Variants in TANC2 observed in about 807,000 individuals in gnomAD.
TANC2 encodes tetratricopeptide repeat, ankyrin repeat and coiled-coil containing 2, also known as protein TANC2.
Under a neutral mutation model 210.5 loss-of-function variants are expected in TANC2, and 26 were observed. The ratio of observed to expected loss-of-function variants is 0.12; its 90% CI spans 0.09 to 0.17. The LOEUF is 0.17. Among genes scored for constraint, TANC2 ranks in the 10% least tolerant of loss-of-function variants. TANC2 has a pLI of 1.00. For synonymous variants in TANC2, 931 were observed against 967.1 expected, an observed-to-expected ratio of 0.96 and a Z score of 0.69; for missense variants, 2,129 against 2,608.9, an observed-to-expected ratio of 0.82 and a Z score of 4.01.
chr17:63,060,933 A>G (rs1277965825), intron 2 of TANC2, among the ~76,000 whole-genome samples: 2 of 151,842 alleles, frequency 1.3e-5, no homozygotes, highest in Non-Finnish European at 2.9e-5. Flanking sequence ...TTTGGAAATG[A>G]GGTTTGATGT....
chr17:63,038,166 T>C lies in TANC2; in HGVS notation c.67+28540T>C, dbSNP rs549722455. ...TATGATGCTAGCTGTAGATATTTTA[T>C]GGATGTTCTTTATCAAGTTGAAGTA... is the stretch of plus-strand genomic sequence containing the variant. On this transcript the variant is annotated intron_variant, in intron 2 of 27. Coordinates refer to ENST00000689528, the Ensembl canonical transcript of TANC2. 3.2e-4 allele frequency among the ~76,000 whole-genome samples: 49 copies of C among 152,216 alleles called. 1 individual carries two copies. The highest frequency in any genetic ancestry group is 7.3e-5 in the Non-Finnish European group (5 of 68,030).
chr17:63,239,486 T>C (rs1398513230), intron 8 of TANC2, among the ~76,000 whole-genome samples: 2 of 152,196 alleles, frequency 1.3e-5, no homozygotes, highest in Non-Finnish European at 2.9e-5. Flanking sequence ...CCAGTTCCCT[T>C]TCCTACGTGT....
At chr17:63,090,347 TG>T (rs2037138402) in intron 3 of TANC2, among the ~76,000 whole-genome samples, 1 of 152,046 alleles carries the variant, frequency 6.6e-6, no homozygotes, top group Non-Finnish European at 1.5e-5. Flanking sequence ...CATCTCCTAG[TG>T]CCATCCCTCC....
chr17:63,206,922 A>C (rs753915900), intron 7 of TANC2, among the ~76,000 whole-genome samples: 27 of 152,190 alleles, frequency 1.8e-4, no homozygotes, highest in Non-Finnish European at 3.2e-4. Context: ...AAGAATATTT[A>C]TTAATATGTA....
intron 14 of TANC2, among the ~76,000 whole-genome samples, chr17:63,377,242 A>C (rs920388879): frequency 1.3e-5 from 2 of 152,148 alleles, no homozygotes; most frequent in Non-Finnish European, 2.9e-5. Flanking sequence ...GTGATTCAAC[A>C]TTTGACTCCT....
intron 14 of TANC2, among the ~76,000 whole-genome samples, chr17:63,365,124 G>A (rs1426151309): frequency 4.6e-5 from 7 of 152,196 alleles, no homozygotes; most frequent in Non-Finnish European, 1.0e-4. Context: ...AAGATTAATG[G>A]CACAGCAGTC....
At chr17:63,395,803 C>T in exon 18 of TANC2, 1 of 1,613,560 alleles carries the variant, frequency 6.2e-7, no homozygotes, top group Non-Finnish European at 8.5e-7. Context: ...CCGAGGTCAT[C>T]TGGAGGTTGT....
intron 14 of TANC2, among the ~76,000 whole-genome samples, chr17:63,371,134 C>T (rs948133033): frequency 6.6e-6 from 1 of 152,178 alleles, no homozygotes; most frequent in Non-Finnish European, 1.5e-5. Context: ...CTAGCTGTAA[C>T]TATACCACTT....
chr17:63,129,618 T>C (rs1405600311), intron 4 of TANC2, among the ~76,000 whole-genome samples: 1 of 152,138 alleles, frequency 6.6e-6, no homozygotes, highest in East Asian at 1.9e-4. Flanking sequence ...TCCCAGCTAC[T>C]TGGGAGGCTG....
intron 7 of TANC2, among the ~76,000 whole-genome samples, chr17:63,235,628 T>A (rs576302456): frequency 3.9e-5 from 6 of 152,200 alleles, no homozygotes; most frequent in Non-Finnish European, 8.8e-5. Context: ...TCCTTTATAA[T>A]TCATCTTCTT....
chr17:63,410,860 C>CAAAAA lies in TANC2; in HGVS notation c.3590-626_3590-622dup, dbSNP rs34268418. On this transcript the variant is annotated intron_variant, in intron 21 of 27. Transcript: ENST00000689528. The stretch of plus-strand genomic sequence containing the variant: ...AGGGCAACGGAGCAAGACTCCATCT[C>CAAAAA]AAAAAAAAAAAAAAAAAAAAAAAAA... Among the ~76,000 whole-genome samples, 60 of 39,016 alleles carry CAAAAA rather than the reference C, an allele frequency of 1.5e-3. 1 individual carries two copies. The highest frequency in any genetic ancestry group is 4.8e-3 in the East Asian group (3 of 622). 25.6% of individuals were successfully genotyped at this position (39,016 alleles called of 152,430 possible).
intron 2 of TANC2, among the ~76,000 whole-genome samples, chr17:63,044,401 G>T (rs2035301649): frequency 6.6e-6 from 1 of 151,972 alleles, no homozygotes; most frequent in Admixed American, 6.6e-5. Flanking sequence ...TTTTGCTCTT[G>T]TTAGAAACTT....
At chr17:63,099,244 A>G in exon 4 of TANC2, 1 of 1,610,034 alleles carries the variant, frequency 6.2e-7, no homozygotes. Context: ...CCAGTGAGTG[A>G]AGGTATGCAG....
At chr17:62,996,821 GT>G (rs902931830) in intron 1 of TANC2, among the ~76,000 whole-genome samples, 12 of 144,942 alleles carry the variant, frequency 8.3e-5, no homozygotes, top group South Asian at 4.4e-4. Context: ...CTTTTTCTTT[GT>G]TTTTTTTTGA....
chr17:63,152,438 T>C (rs2039685661), intron 5 of TANC2: 2 of 152,130 alleles, frequency 1.3e-5, no homozygotes, highest in Admixed American at 6.5e-5. Flanking sequence ...TTTTGAATAC[T>C]GAAAGACCTT....
chr17:63,088,065 T>G (rs772528346), intron 3 of TANC2: 11 of 152,154 alleles, frequency 7.2e-5, no homozygotes, highest in Non-Finnish European at 1.6e-4. Context: ...AGAGACGAGG[T>G]AGGGTATGCG....
chr17:63,311,762 G>A (rs566562101), intron 9 of TANC2, among the ~76,000 whole-genome samples: 21 of 152,238 alleles, frequency 1.4e-4, no homozygotes, highest in Non-Finnish European at 2.6e-4. Flanking sequence ...ACAAAATATG[G>A]TATATCCATA....
intron 5 of TANC2, among the ~76,000 whole-genome samples, chr17:63,168,876 A>G (rs779331413): frequency 2.6e-5 from 4 of 152,238 alleles, no homozygotes; most frequent in Non-Finnish European, 4.4e-5. Context: ...AGCATTTATC[A>G]GAGGGTCTCA....
intron 20 of TANC2, among the ~76,000 whole-genome samples, chr17:63,405,541 G>A (rs2147284191): frequency 1.3e-5 from 2 of 152,328 alleles, no homozygotes; most frequent in East Asian, 1.9e-4. Flanking sequence ...TCCTTGGAAG[G>A]TTCATTTCTC....
Sources: gnomAD v4.1 joint callset for allele counts (sites outside exome capture counted in the v4.1 genomes callset) on GRCh38, gnomAD v4.1.1 for gene constraint, MANE v1.5 for transcripts, NCBI Gene and HGNC (gene_info 2026-07-23, HGNC 2026-07-21) for gene names.